The following INTS6 variants were observed in gnomAD, a reference collection of about 807,000 sequenced individuals.
INTS6 encodes integrator complex subunit 6.
Under a neutral mutation model 104.9 loss-of-function variants are expected in INTS6, and 16 were observed. The ratio of observed to expected loss-of-function variants is 0.15; its 90% CI spans 0.10 to 0.23. The LOEUF is 0.23. Ranked by LOEUF, INTS6 falls within the 10% of genes least tolerant of loss-of-function variation. The probability of loss-of-function intolerance (pLI) is 1.00; values close to 1 mark genes in which losing one functional copy is unlikely to be tolerated. For missense variants in INTS6, 584 were observed against 1,062.8 expected (o/e 0.55, Z 6.26); for synonymous variants, 324 against 358.7 (o/e 0.90, Z 1.09).
chr13:51,444,244 C>G (rs569466277), intron 3 of INTS6: 3 of 149,710 alleles, frequency 2.0e-5, no homozygotes, highest in Non-Finnish European at 4.3e-5. Context: ...GCCACCACCC[C>G]CCAGCTAATT....
At chr13:51,450,816 T>G in intron 3 of INTS6, 1 of 1,188,544 alleles carries the variant, frequency 8.4e-7, no homozygotes, top group Non-Finnish European at 1.0e-6. Flanking sequence ...ATTCTAATCC[T>G]GAATACCAAT....
At chr13:51,391,743 G>C (rs1204811031) in intron 5 of INTS6, among the ~76,000 whole-genome samples, 3 of 152,146 alleles carry the variant, frequency 2.0e-5, no homozygotes, top group East Asian at 1.9e-4. Context: ...TTGTCAAATA[G>C]AGAAGAAGCA....
intron 3 of INTS6, chr13:51,439,231 C>T (rs1036880856): frequency 2.5e-4 from 38 of 152,148 alleles, no homozygotes; most frequent in African/African-American, 8.7e-4. Context: ...AGGACCTTCA[C>T]TAGGAGTCCC....
intron 4 of INTS6, among the ~76,000 whole-genome samples, chr13:51,429,394 T>C (rs930106280): frequency 5.3e-5 from 8 of 152,068 alleles, no homozygotes; most frequent in African/African-American, 1.9e-4. Context: ...ATTAAAAAAA[T>C]CTATTATATT....
chr13:51,382,221 T>G (rs1207212435), intron 9 of INTS6, 98 bp from the exon 10 acceptor site: 2 of 584,434 alleles, frequency 3.4e-6, no homozygotes, highest in Non-Finnish European at 2.8e-6. Flanking sequence ...GCTTTGTTAT[T>G]TTTGAGAGAG....
intron 4 of INTS6, among the ~76,000 whole-genome samples, chr13:51,399,705 TGG>T (rs200826124): frequency 1.3e-5 from 2 of 149,306 alleles, no homozygotes; most frequent in Admixed American, 1.3e-4. Flanking sequence ...TTAGCCATTG[TGG>T]GTGTGTGTGT....
At chr13:51,424,418 G>A (rs574315593) in intron 4 of INTS6, among the ~76,000 whole-genome samples, 19 of 151,838 alleles carry the variant, frequency 1.3e-4, no homozygotes, top group African/African-American at 3.9e-4. Context: ...GTAAATTGCT[G>A]AAAACTTACT....
chr13:51,446,377 G>C (rs571155148), intron 3 of INTS6: 55 of 152,244 alleles, frequency 3.6e-4, no homozygotes, highest in African/African-American at 1.3e-3. Context: ...CACCCAATAG[G>C]ATGGCTAATG....
At position 51,383,809 on chromosome 13, in the gene INTS6, T is replaced by C. The variant is rs989260479; in HGVS notation, c.895-68A>G. On this transcript the variant is annotated intron_variant, in intron 7 of 17. Transcript: ENST00000311234. ...AGAAACAAAACTAAATATTCCTCAT[T>C]ATCAAAATTTACTCAGTTCCTCCGT... 5 of 1,345,818 alleles carry C rather than the reference T, an allele frequency of 3.7e-6. No homozygotes were observed. The African/African-American group carries it at 4.4e-5, about 12-fold the overall frequency. 83.4% of individuals were successfully genotyped at this position (1,345,818 alleles called of 1,614,324 possible). A position where few individuals can be genotyped will look rare whatever the true frequency, so the allele number is the denominator to read the frequency against.
chr13:51,372,032 C>A (rs940716250), intron 15 of INTS6, among the ~76,000 whole-genome samples: 1 of 152,184 alleles, frequency 6.6e-6, no homozygotes, highest in Non-Finnish European at 1.5e-5. Context: ...ACCACCAGCA[C>A]TGAAACATGC....
At chr13:51,445,936 T>C (rs1318709091) in intron 3 of INTS6, 2 of 152,174 alleles carry the variant, frequency 1.3e-5, no homozygotes, top group Non-Finnish European at 2.9e-5. Flanking sequence ...TAATTCAAAA[T>C]AGATTAAAGA....
At chr13:51,403,811 A>G (rs1271256570) in intron 4 of INTS6, among the ~76,000 whole-genome samples, 1 of 151,974 alleles carries the variant, frequency 6.6e-6, no homozygotes, top group Non-Finnish European at 1.5e-5. Flanking sequence ...CCCCCACAGT[A>G]TTTGTCATAT....
chr13:51,344,502 C>T, the INTS6 span: 1 of 1,538,512 alleles, frequency 6.5e-7, no homozygotes, highest in Non-Finnish European at 8.8e-7. Flanking sequence ...GAAAACTGTA[C>T]ATTTCAACAA....
the INTS6 span, among the ~76,000 whole-genome samples, chr13:51,334,415 T>C: frequency 6.6e-6 from 1 of 152,150 alleles, no homozygotes; most frequent in African/African-American, 2.4e-5. Flanking sequence ...TTTTTAAAAC[T>C]TTAAAATTTT....
At chr13:51,412,084 G>C (rs1000679450) in intron 4 of INTS6, among the ~76,000 whole-genome samples, 1 of 152,136 alleles carries the variant, frequency 6.6e-6, no homozygotes, top group African/African-American at 2.4e-5. Flanking sequence ...TGTGTCCACT[G>C]TATAATTCCA....
chr13:51,334,810 C>T, the INTS6 span, among the ~76,000 whole-genome samples: 6 of 151,466 alleles, frequency 4.0e-5, 1 homozygote, highest in Non-Finnish European at 7.4e-5. Context: ...GGTGAAACCC[C>T]GTCTCTACTA....
chr13:51,341,535 T>G, the INTS6 span, among the ~76,000 whole-genome samples: 1 of 152,336 alleles, frequency 6.6e-6, no homozygotes, highest in South Asian at 2.1e-4. Flanking sequence ...CAGCTCCCTA[T>G]GGTGTGCACA....
At chr13:51,450,888 C>T in intron 3 of INTS6, 137 bp downstream of exon 3, 1 of 1,303,204 alleles carries the variant, frequency 7.7e-7, no homozygotes, top group Non-Finnish European at 9.8e-7. Context: ...AGAGTTTTGC[C>T]TTTGAACAAT....
intron 4 of INTS6, among the ~76,000 whole-genome samples, chr13:51,420,004 G>C: frequency 6.6e-6 from 1 of 152,040 alleles, no homozygotes; most frequent in East Asian, 1.9e-4. Flanking sequence ...ACTGTCTATG[G>C]CTGCTTTTGC....
Sources: allele counts gnomAD v4.1 joint callset (sites outside exome capture counted in the v4.1 genomes callset), GRCh38; gene constraint gnomAD v4.1.1; transcripts MANE v1.5; gene names NCBI Gene and HGNC (gene_info 2026-07-23, HGNC 2026-07-21).